FAM227B: variants seen among roughly 807,000 people sequenced by gnomAD.
The protein encoded by FAM227B is protein FAM227B.
FAM227B carries 88 observed loss-of-function variants against 73.8 expected under a neutral mutation model. That is an observed-to-expected ratio of 1.19 (90% CI 1.00 to 1.42). The LOEUF (loss-of-function observed/expected upper bound fraction) is 1.42. Ranked by LOEUF, FAM227B falls within the 40% of genes most tolerant of loss-of-function variation. The pLI is 0.00. For missense variants in FAM227B, 632 were observed against 590.9 expected (o/e 1.07, Z -0.72); for synonymous variants, 210 against 190.5 (o/e 1.10, Z -0.84).
chr15:49,478,053 T>G (rs1015029567), intron 11 of FAM227B, among the ~76,000 whole-genome samples: 2 of 152,102 alleles, frequency 1.3e-5, no homozygotes, highest in African/African-American at 4.8e-5. Flanking sequence ...ACCTAATGGT[T>G]TTTCAACCCT....
chr15:49,328,744 G>A (rs1398616288), intron 15 of FAM227B, 69 bp from the exon 16 acceptor site: 3 of 1,496,376 alleles, frequency 2.0e-6, no homozygotes, highest in South Asian at 1.4e-5. Flanking sequence ...ATTTGAATGT[G>A]AGATTTCTCC....
chr15:49,510,944 T>G (rs945389379), intron 10 of FAM227B, among the ~76,000 whole-genome samples: 2 of 151,962 alleles, frequency 1.3e-5, no homozygotes, highest in Non-Finnish European at 2.9e-5. Flanking sequence ...TTTCTTAATC[T>G]TTCTGTTCTC....
chr15:49,437,571 T>C (rs1361954661), intron 11 of FAM227B, among the ~76,000 whole-genome samples: 3 of 151,702 alleles, frequency 2.0e-5, no homozygotes, highest in Non-Finnish European at 4.4e-5. Flanking sequence ...CTCAATATTT[T>C]TCTGAAAACC....
At chr15:49,462,417 G>C (rs2053885142) in intron 11 of FAM227B, among the ~76,000 whole-genome samples, 2 of 152,092 alleles carry the variant, frequency 1.3e-5, no homozygotes, top group African/African-American at 2.4e-5. Context: ...GTACTCACTA[G>C]AGAGCTGGCC....
At chr15:49,534,026 C>T (rs1012262467) in intron 10 of FAM227B, among the ~76,000 whole-genome samples, 11 of 151,778 alleles carry the variant, frequency 7.2e-5, no homozygotes, top group Non-Finnish European at 1.2e-4. Context: ...GTCTATCTTT[C>T]GTGGGTCTAC....
intron 3 of FAM227B, among the ~76,000 whole-genome samples, chr15:49,602,824 A>T (rs1357897624): frequency 1.3e-5 from 2 of 152,194 alleles, no homozygotes; most frequent in African/African-American, 4.8e-5. Flanking sequence ...ATTTTTGTAT[A>T]TGGAAAGAGA....
intron 9 of FAM227B, among the ~76,000 whole-genome samples, chr15:49,554,001 A>G (rs1413223768): frequency 9.9e-5 from 15 of 152,164 alleles, no homozygotes; most frequent in Non-Finnish European, 2.1e-4. Flanking sequence ...AGGGCTCTTC[A>G]GTTAGCAGGT....
chr15:49,361,833 C>T (rs937774562), intron 13 of FAM227B, among the ~76,000 whole-genome samples: 5 of 152,160 alleles, frequency 3.3e-5, no homozygotes, highest in African/African-American at 7.2e-5. Context: ...CTGCTTTCCA[C>T]AACGGTTGAA....
chr15:49,373,428 T>C (rs1433765349), intron 11 of FAM227B, among the ~76,000 whole-genome samples: 1 of 152,120 alleles, frequency 6.6e-6, no homozygotes, highest in Non-Finnish European at 1.5e-5. Flanking sequence ...ATTGATTAGT[T>C]TTAGGGAAAA....
Position 49,335,429 on chromosome 15 carries a change from C to T in FAM227B, c.1339G>A (p.Asp447Asn). 1 of 1,608,002 alleles carries T rather than the reference C, an allele frequency of 6.2e-7. No individual in the cohort carries two copies. Among genetic ancestry groups the T allele is most frequent in the Non-Finnish European group, 8.5e-7 (1 of 1,174,502 alleles). ...AKRQFARNQKDFRILQAKATK... is the reference protein window; with the variant it reads ...AKRQFARNQKNFRILQAKATK... ...ATAGCATCAACTTACATCCTAAAAT[C>T]CTTTTGGTTCCTTGCAAATTGTCTT... Residue 447 changes from aspartate (D) to asparagine (N), a missense_variant, in exon 14 of 16, where the codon GAT becomes AAT. By Grantham distance (23) the Asp-to-Asn change is conservative. Transcript: ENST00000299338.
At chr15:49,357,312 G>C (rs2043322442) in intron 13 of FAM227B, among the ~76,000 whole-genome samples, 2 of 150,178 alleles carry the variant, frequency 1.3e-5, no homozygotes, top group Non-Finnish European at 3.0e-5. Context: ...TTTTTGAAAG[G>C]ATCAACAAAA....
At chr15:49,337,162 A>G (rs554635333) in intron 13 of FAM227B, among the ~76,000 whole-genome samples, 18 of 152,296 alleles carry the variant, frequency 1.2e-4, no homozygotes, top group African/African-American at 3.9e-4. Flanking sequence ...ATATGAGTAC[A>G]TATGTCTTTT....
chr15:49,329,800 T>C, intron 15 of FAM227B: 1 of 806,798 alleles, frequency 1.2e-6, no homozygotes, highest in Non-Finnish European at 1.5e-6. Flanking sequence ...GATACCTGGA[T>C]CAGTGTAAAA....
intron 11 of FAM227B, among the ~76,000 whole-genome samples, chr15:49,449,582 T>C (rs1322335625): frequency 6.6e-6 from 1 of 152,026 alleles, no homozygotes; most frequent in Non-Finnish European, 1.5e-5. Context: ...GGCAACCTTA[T>C]ACTTCTATTA....
intron 9 of FAM227B, among the ~76,000 whole-genome samples, chr15:49,546,518 C>T (rs368915934): frequency 1.1e-4 from 17 of 152,184 alleles, no homozygotes; most frequent in East Asian, 9.7e-4. Flanking sequence ...GTTCTAGATC[C>T]CTGAGGAATC....
rs192954168 is a variant in FAM227B, at chr15:49,485,771, A to T, written c.1012+22440T>A. 420 of 152,520 alleles carry T rather than the reference A, an allele frequency of 2.8e-3. 5 individuals are homozygous for T. The highest frequency in any genetic ancestry group is 5.3e-4 in the Non-Finnish European group (36 of 67,976). 9.4% of individuals were successfully genotyped at this position (152,520 alleles called of 1,614,324 possible). On this transcript the variant is annotated intron_variant, in intron 11 of 15. Transcript: ENST00000299338. ...CATTACAAATATAAGTATTTACAGG[A>T]TTTTAAAGTTAGAATATATTTGAAT...
Position 49,451,814 on chromosome 15 carries a change from C to T in FAM227B, c.1012+56397G>A, listed in dbSNP as rs563625815. Among the ~76,000 whole-genome samples, 141 of 152,166 alleles carry T rather than the reference C, an allele frequency of 9.3e-4. 5 individuals carry two copies. The South Asian group carries it at 0.027, about 29-fold the overall frequency. On this transcript the variant is annotated intron_variant, in intron 11 of 15. Coordinates refer to ENST00000299338, the MANE Select transcript of FAM227B (RefSeq NM_152647.3). ...GTAATACTTATATAGCAATCAAGAG[C>T]GGTCAAGTAAATCTTTTACCTAGGA...
intron 13 of FAM227B, among the ~76,000 whole-genome samples, chr15:49,342,568 C>G (rs1338915073): frequency 1.3e-5 from 2 of 152,122 alleles, no homozygotes; most frequent in Admixed American, 6.6e-5. Context: ...TTGGTGCTAT[C>G]GTGAAGTTGT....
chr15:49,359,817 T>C (rs1216119959), intron 13 of FAM227B, among the ~76,000 whole-genome samples: 1 of 138,272 alleles, frequency 7.2e-6, no homozygotes, highest in African/African-American at 2.7e-5. Flanking sequence ...TTATTCACAA[T>C]AGCAAAGACT....
Sources: gnomAD v4.1 joint callset for allele counts (sites outside exome capture counted in the v4.1 genomes callset) on GRCh38, gnomAD v4.1.1 for gene constraint, MANE v1.5 for transcripts, NCBI Gene and HGNC (gene_info 2026-07-23, HGNC 2026-07-21) for gene names.